Variants in JMJD1C observed in about 807,000 individuals in gnomAD.
JMJD1C encodes the protein jumonji domain-containing protein 1C.
Under a neutral mutation model 245.3 loss-of-function variants are expected in JMJD1C, and 31 were observed. That is an observed-to-expected ratio of 0.13 (90% CI 0.09 to 0.17). JMJD1C has a LOEUF of 0.17. Among genes scored for constraint, JMJD1C ranks in the 10% least tolerant of loss-of-function variants. JMJD1C has a pLI of 1.00. For missense variants in JMJD1C, 2,691 were observed against 3,000.2 expected (o/e 0.90, Z 2.41); for synonymous variants, 1,057 against 1,017.4 (o/e 1.04, Z -0.74).
At chr10:63,367,220 C>T (rs1945916382) in intron 2 of JMJD1C, among the ~76,000 whole-genome samples, 1 of 151,838 alleles carries the variant, frequency 6.6e-6, no homozygotes, top group African/African-American at 2.4e-5. Context: ...GCTTTATTCA[C>T]CCTAGTTTTT....
At chr10:63,385,562 C>T (rs540346402) in intron 1 of JMJD1C, among the ~76,000 whole-genome samples, 2 of 151,576 alleles carry the variant, frequency 1.3e-5, no homozygotes, top group African/African-American at 4.8e-5. Flanking sequence ...CATGGCCTCC[C>T]AAGCATCTGG....
In JMJD1C at chr10:63,431,779, C is replaced by T. The variant is rs539634368; in HGVS notation, c.168+33716G>A. On this transcript the variant is annotated intron_variant, in intron 1 of 25. Coordinates refer to ENST00000399262, the MANE Select transcript of JMJD1C (RefSeq NM_032776.3). ...CTGTAATCCCAGCACTTTGGGAGGC[C>T]GAGGCGGGCGGATCACGAGGTCCAG... Among the ~76,000 whole-genome samples, 3 of 152,248 alleles carry T rather than the reference C, an allele frequency of 2.0e-5. No homozygotes were observed. In the East Asian group the frequency reaches 5.8e-4, roughly 29 times the overall value.
intron 13 of JMJD1C, 133 bp downstream of exon 13, chr10:63,197,278 A>G (rs1334359670): frequency 1.3e-6 from 1 of 757,726 alleles, no homozygotes; most frequent in Non-Finnish European, 2.0e-6. Context: ...CTCCTCTTAA[A>G]AACAAACTGA....
chr10:63,380,098 T>A lies in JMJD1C; in HGVS notation c.333+220A>T, dbSNP rs1470138178. On this transcript the variant is annotated intron_variant, in intron 2 of 25. Coordinates refer to ENST00000399262, the MANE Select transcript of JMJD1C (RefSeq NM_032776.3). ...GGGACCACAGGTATGTGCCACCACA[T>A]CCAGCTATTTTTTTTTTTTTTTTTT... 6.0e-6 allele frequency: 3 copies of A among 500,052 alleles called. No homozygotes were observed. The Admixed American group carries it at 1.1e-4, about 18-fold the overall frequency. The allele number at this position is 500,052 out of a possible 1,614,324, so 31.0% of individuals were successfully genotyped here.
At position 63,192,853 on chromosome 10, in the gene JMJD1C, A is replaced by T. The variant is rs914042566; in HGVS notation, c.6076+85T>A. The T allele has an allele frequency of 4.0e-6, 4 of 1,010,100 alleles. No individual in the cohort carries two copies. In the African/African-American group the frequency reaches 4.8e-5, roughly 12 times the overall value. 62.6% of individuals were successfully genotyped at this position (1,010,100 alleles called of 1,614,324 possible). ...AAGTAAATTGTTTACCTCAATATTA[A>T]CAGTACTTTATTGTACAATAGTACA... On this transcript the variant is annotated intron_variant, in intron 16 of 25. Transcript: ENST00000399262.
Position 63,193,507 on chromosome 10 carries a change from C to T in JMJD1C, c.5735-35G>A. The T allele has an allele frequency of 3.4e-6, 5 of 1,491,286 alleles. No individual in the cohort carries two copies. In the South Asian group the frequency reaches 6.4e-5, roughly 19 times the overall value. 92.4% of individuals were successfully genotyped at this position (1,491,286 alleles called of 1,614,324 possible). On this transcript the variant is annotated intron_variant, in intron 14 of 25. Transcript: ENST00000399262. ...AAAATGGTAGTTAATAAAAAGATTA[C>T]CACTAGTTGTTAATGCTGTAAAATT...
chr10:63,359,685 C>T (rs987490228), intron 2 of JMJD1C, among the ~76,000 whole-genome samples: 13 of 152,096 alleles, frequency 8.5e-5, no homozygotes, highest in African/African-American at 2.2e-4. Context: ...TTGAGTTGGT[C>T]GTTTCCTCCT....
rs778908359 is a variant in JMJD1C at position 63,208,570 on chromosome 10, A to G, written c.3099T>C (p.Ala1033=). ...RRILQESIDV[A]PFTTKIKGLE... Reference sequence around the variant, plus strand: ...GTCCCTTGATTTTAGTTGTAAAGGGAGCAACATCAATACTTTCTTGAAGAA... The same window carrying G: ...GTCCCTTGATTTTAGTTGTAAAGGGGGCAACATCAATACTTTCTTGAAGAA... The change falls in exon 10 of 26, where the codon GCT becomes GCC. Residue 1033 remains alanine (A), a synonymous_variant. Transcript: ENST00000399262. 1 of 1,614,074 alleles carries G rather than the reference A, an allele frequency of 6.2e-7. No homozygotes were observed.
chr10:63,408,713 G>T (rs577555347), intron 1 of JMJD1C, among the ~76,000 whole-genome samples: 207 of 143,092 alleles, frequency 1.4e-3, no homozygotes, highest in African/African-American at 3.4e-3. Context: ...ATGTAGGGTG[G>T]TTTTTTTTTT....
rs370901312 is a variant in JMJD1C at position 63,484,914 on chromosome 10, C to T, written n.113+36824G>A. 2.5e-3 allele frequency among the ~76,000 whole-genome samples: 383 copies of T among 151,818 alleles called. 3 individuals are homozygous for T. The South Asian group carries it at 0.029, about 11-fold the overall frequency. ...TTCCACTACTGCAAGGCCCTAGAGG[C>T]TCCAAAGGACACTAGAGCAAGCTAG... On this transcript the variant is annotated intron_variant and non_coding_transcript_variant, in intron 1 of 3. Coordinates refer to the JMJD1C transcript ENST00000633035.
chr10:63,297,646 T>C (rs1366375760), intron 2 of JMJD1C, among the ~76,000 whole-genome samples: 1 of 151,070 alleles, frequency 6.6e-6, no homozygotes, highest in Admixed American at 6.6e-5. Context: ...GACCTTGGGG[T>C]TCCCAAAGCC....
chr10:63,274,425 T>C (rs1158761407), intron 2 of JMJD1C, among the ~76,000 whole-genome samples: 1 of 151,848 alleles, frequency 6.6e-6, no homozygotes, highest in Non-Finnish European at 1.5e-5. Context: ...AATAGCCAGG[T>C]GTGGTGGCAC....
chr10:63,201,704 C>A (rs933655585), intron 10 of JMJD1C, among the ~76,000 whole-genome samples: 1 of 151,596 alleles, frequency 6.6e-6, no homozygotes, highest in South Asian at 2.1e-4. Flanking sequence ...CTGAGGCGGG[C>A]GGATCACCTG....
chr10:63,276,757 T>G lies in JMJD1C; in HGVS notation c.334-11993A>C, dbSNP rs376767242. On this transcript the variant is annotated intron_variant, in intron 2 of 25. Transcript: ENST00000399262. The stretch of plus-strand genomic sequence containing the variant: ...ATTACAGACTTGAGCCATGGCACCC[T>G]ACCAGGAAACCAATTTTAATTACGT... Among the ~76,000 whole-genome samples, 36 of 151,840 alleles carry G rather than the reference T, an allele frequency of 2.4e-4. No individual in the cohort carries two copies. The East Asian group carries it at 3.7e-3, about 16-fold the overall frequency.
intron 1 of JMJD1C, among the ~76,000 whole-genome samples, chr10:63,495,765 AAAAG>A (rs1210320169): frequency 1.3e-5 from 2 of 151,794 alleles, no homozygotes; most frequent in Non-Finnish European, 2.9e-5. Flanking sequence ...AAAAAAAAAA[AAAAG>A]AAGAAGAAAA....
At chr10:63,485,201 T>G (rs2133199461) in intron 1 of JMJD1C, among the ~76,000 whole-genome samples, 1 of 152,130 alleles carries the variant, frequency 6.6e-6, no homozygotes, top group East Asian at 1.9e-4. Context: ...AAATGCTAAG[T>G]GTTCATTGCT....
intron 1 of JMJD1C, among the ~76,000 whole-genome samples, chr10:63,410,887 C>A: frequency 6.6e-6 from 1 of 152,178 alleles, no homozygotes; most frequent in East Asian, 1.9e-4. Flanking sequence ...CACTAATCAA[C>A]TTTCAGTCAA....
intron 2 of JMJD1C, among the ~76,000 whole-genome samples, chr10:63,281,986 CAT>C (rs1438891207): frequency 6.6e-6 from 1 of 152,168 alleles, no homozygotes; most frequent in Non-Finnish European, 1.5e-5. Flanking sequence ...TATACGTTTG[CAT>C]ATGACTGATT....
chr10:63,350,090 T>A (rs1463664536), intron 2 of JMJD1C, among the ~76,000 whole-genome samples: 1 of 152,208 alleles, frequency 6.6e-6, no homozygotes, highest in Non-Finnish European at 1.5e-5. Flanking sequence ...ATTATTCACA[T>A]AAAATGATTT....
Sources: allele counts gnomAD v4.1 joint callset (sites outside exome capture counted in the v4.1 genomes callset), GRCh38; gene constraint gnomAD v4.1.1; transcripts MANE v1.5; gene names NCBI Gene and HGNC (gene_info 2026-07-23, HGNC 2026-07-21).